AKNA: variants seen among roughly 807,000 people sequenced by gnomAD.
AKNA encodes AT-hook transcription factor, also known as microtubule organization protein AKNA.
In AKNA, 67 loss-of-function variants were observed where a neutral mutation model predicts 138.8. That is an observed-to-expected ratio of 0.48 (90% CI 0.40 to 0.59). AKNA has a LOEUF of 0.59. Among genes scored for constraint, AKNA ranks in the 20% least tolerant of loss-of-function variants. The probability of loss-of-function intolerance (pLI) is 0.00; values close to 1 mark genes in which losing one functional copy is unlikely to be tolerated. For synonymous variants in AKNA, 737 were observed against 754.4 expected, an observed-to-expected ratio of 0.98 and a Z score of 0.38; for missense variants, 1,813 against 1,880.4, an observed-to-expected ratio of 0.96 and a Z score of 0.66.
rs768363108 is a variant in AKNA at position 114,377,281 on chromosome 9, C to T, written c.526G>A (p.Glu176Lys). The change falls in exon 3 of 22, where the codon GAA becomes AAA. Residue 176 changes from glutamate (E) to lysine (K), a missense_variant. By Grantham distance (56) the Glu-to-Lys change is moderately conservative. Coordinates refer to ENST00000374088, the MANE Select transcript of AKNA (RefSeq NM_001317950.2). ...GQARGWVASG[E>K]QASGDKLSEH... Reference sequence around the variant, plus strand: ...GAAAGTTTGTCCCCACTGGCTTGTTCGCCAGAAGCCACCCAGCCCCTGGCC... The same window carrying T: ...GAAAGTTTGTCCCCACTGGCTTGTTTGCCAGAAGCCACCCAGCCCCTGGCC... 26 of 1,614,048 alleles carry T rather than the reference C, an allele frequency of 1.6e-5. No homozygotes were observed. Among genetic ancestry groups the T allele is most frequent in the African/African-American group, 1.2e-4 (9 of 74,938 alleles).
intron 21 of AKNA, 69 bp from the exon 22 acceptor site, chr9:114,337,375 GT>G: frequency 7.4e-7 from 1 of 1,359,930 alleles, no homozygotes; most frequent in Non-Finnish European, 9.6e-7. Flanking sequence ...AGCACCGTGT[GT>G]GGGGTCAACC....
chr9:114,376,678 G>C lies in AKNA; in HGVS notation c.1129C>G (p.Arg377Gly). 1 of 1,613,228 alleles carries C rather than the reference G, an allele frequency of 6.2e-7. No homozygotes were observed. Among genetic ancestry groups the C allele is most frequent in the South Asian group, 1.1e-5 (1 of 90,984 alleles). ...RVRFPKDESY[R>G]PPKSRSHNRK... ...TTGTGGCTTCTGGACTTGGGGGGACGGTAGCTCTCATCTTTGGGGAATCTC... is the reference window on the plus strand; with the variant it reads ...TTGTGGCTTCTGGACTTGGGGGGACCGTAGCTCTCATCTTTGGGGAATCTC... Residue 377 changes from arginine (R) to glycine (G), a missense_variant, in exon 3 of 22, where the codon CGT (arginine) becomes GGT (glycine). Coordinates refer to ENST00000374088, the MANE Select transcript of AKNA (RefSeq NM_001317950.2).
intron 18 of AKNA, 51 bp downstream of exon 18, chr9:114,345,812 C>T (rs751605480): frequency 1.3e-6 from 2 of 1,574,672 alleles, no homozygotes; most frequent in South Asian, 2.3e-5. Context: ...ACAGAGGAGC[C>T]CCCGCTGACA....
Position 114,377,372 on chromosome 9 carries a change from C to T in AKNA, c.435G>A (p.Gly145=), listed in dbSNP as rs1336572397. 6.2e-7 allele frequency: 1 copy of T among 1,613,742 alleles called. No individual in the cohort carries two copies. The highest frequency in any genetic ancestry group is 8.5e-7 in the Non-Finnish European group (1 of 1,179,916). ...CTTCCAAGCTGAGACCAGCCTCATA[C>T]CCCAACCTTGAGGAGCTCTCTCCAG... ...EEAGESSSRL[G]YEAGLSLEGH... The change falls in exon 3 of 22, where the codon GGG becomes GGA. Residue 145 remains glycine (G), a synonymous_variant. Coordinates refer to ENST00000374088, the MANE Select transcript of AKNA (RefSeq NM_001317950.2).
At chr9:114,381,513 A>T in intron 1 of AKNA, 67 bp from the exon 2 acceptor site, 1 of 1,284,000 alleles carries the variant, frequency 7.8e-7, no homozygotes, top group Non-Finnish European at 9.8e-7. Flanking sequence ...CGGAACAAGA[A>T]GTTACCAGCA....
intron 19 of AKNA, 100 bp from the exon 20 acceptor site, chr9:114,342,225 C>T: frequency 1.2e-6 from 1 of 841,134 alleles, no homozygotes; most frequent in Non-Finnish European, 1.8e-6. Context: ...CTCCTCGGGA[C>T]CCACTGCGGA....
chr9:114,384,249 T>C (rs927260936), intron 1 of AKNA, among the ~76,000 whole-genome samples: 1 of 152,136 alleles, frequency 6.6e-6, no homozygotes, highest in African/African-American at 2.4e-5. Context: ...GGAAAGAGTA[T>C]TTTCAAAAGT....
At chr9:114,340,178 C>T (rs948815709) in intron 21 of AKNA, among the ~76,000 whole-genome samples, 6 of 152,168 alleles carry the variant, frequency 3.9e-5, no homozygotes, top group African/African-American at 1.2e-4. Flanking sequence ...GGCTGGATGG[C>T]GCCTTGGGTC....
At chr9:114,386,245 A>T (rs556469576) in intron 1 of AKNA, among the ~76,000 whole-genome samples, 2 of 152,332 alleles carry the variant, frequency 1.3e-5, no homozygotes, top group East Asian at 3.9e-4. Context: ...TATAGAAAAG[A>T]GTAAAAGTGT....
chr9:114,358,367 T>A, intron 11 of AKNA, 200 bp from the exon 12 acceptor site: 1 of 615,298 alleles, frequency 1.6e-6, no homozygotes, highest in Non-Finnish European at 2.7e-6. Context: ...TTTTCTCAAC[T>A]ATAAAATATG....
downstream of AKNA, chr9:114,330,924 G>A: frequency 1.4e-6 from 2 of 1,421,928 alleles, no homozygotes; most frequent in East Asian, 2.3e-5. Flanking sequence ...AGCATAAGGT[G>A]GGGGCTGGAT....
chr9:114,365,896 C>G (rs959922736), intron 6 of AKNA, among the ~76,000 whole-genome samples: 1 of 152,164 alleles, frequency 6.6e-6, no homozygotes, highest in East Asian at 1.9e-4. Flanking sequence ...TCAGCTAAGG[C>G]CCCAGCTCCT....
intron 6 of AKNA, among the ~76,000 whole-genome samples, chr9:114,365,378 G>T (rs1832267548): frequency 6.6e-6 from 1 of 152,168 alleles, no homozygotes; most frequent in African/African-American, 2.4e-5. Context: ...GAACATTTTT[G>T]CATGGGTTGG....
intron 15 of AKNA, among the ~76,000 whole-genome samples, chr9:114,349,772 C>A (rs570905134): frequency 5.9e-5 from 9 of 152,312 alleles, no homozygotes; most frequent in African/African-American, 1.9e-4. Context: ...CAACACTCCA[C>A]CCCCTCACAC....
intron 3 of AKNA, chr9:114,375,944 G>A (rs765302667): frequency 5.6e-4 from 255 of 454,360 alleles, no homozygotes; most frequent in Admixed American, 1.7e-3. Flanking sequence ...CAAACCCCAG[G>A]CCTCCCTACC....
rs368509608 is a variant in AKNA, at chr9:114,336,316, T to C, written c.*738A>G. The C allele has an allele frequency of 2.0e-5, 3 of 152,658 alleles. No individual in the cohort carries two copies. Among genetic ancestry groups the C allele is most frequent in the African/African-American group, 7.2e-5 (3 of 41,446 alleles). 9.5% of individuals were successfully genotyped at this position (152,658 alleles called of 1,614,324 possible). A position where few individuals can be genotyped will look rare whatever the true frequency, so the allele number is the denominator to read the frequency against. On this transcript the variant is annotated 3_prime_UTR_variant, in exon 22 of 22. Coordinates refer to ENST00000374088, the MANE Select transcript of AKNA (RefSeq NM_001317950.2). ...GGGTGCGGGAGGCGGCCTGGCCTCA[T>C]GGCCGCAGACCGTGCCCCAGCCCGG...
At chr9:114,344,684 C>T (rs535006343) in intron 18 of AKNA, 1 of 152,704 alleles carries the variant, frequency 6.5e-6, no homozygotes, top group South Asian at 2.1e-4. Context: ...ATACTCTCTT[C>T]CTCTCATTGT....
chr9:114,385,817 C>T (rs908338548), intron 1 of AKNA, among the ~76,000 whole-genome samples: 6 of 152,204 alleles, frequency 3.9e-5, no homozygotes, highest in Non-Finnish European at 1.5e-5. Context: ...AACAAACACA[C>T]GTTAGTGCCA....
At chr9:114,378,228 G>A (rs1002774698) in intron 2 of AKNA, among the ~76,000 whole-genome samples, 6 of 152,124 alleles carry the variant, frequency 3.9e-5, no homozygotes, top group African/African-American at 1.4e-4. Flanking sequence ...TCCCTCTGCC[G>A]AGGGATTCTC....
Sources: gnomAD v4.1 joint callset for allele counts (sites outside exome capture counted in the v4.1 genomes callset) on GRCh38, gnomAD v4.1.1 for gene constraint, MANE v1.5 for transcripts, NCBI Gene and HGNC (gene_info 2026-07-23, HGNC 2026-07-21) for gene names.